Variants in RNF2 observed in about 807,000 individuals in gnomAD.
RNF2 encodes the protein E3 ubiquitin-protein ligase RING2.
A neutral mutation model predicts 37.2 loss-of-function variants in RNF2; 6 were observed. The ratio of observed to expected loss-of-function variants is 0.16; its 90% CI spans 0.09 to 0.32. RNF2 has a LOEUF of 0.32. Ranked by LOEUF, RNF2 falls within the 10% of genes least tolerant of loss-of-function variation. The pLI, the probability that RNF2 is intolerant of heterozygous loss-of-function variation, is 1.00. For synonymous variants in RNF2, 133 were observed against 132.7 expected (o/e 1.00, Z -0.02); for missense variants, 251 against 404.0 (o/e 0.62, Z 3.25).
intron 1 of RNF2, among the ~76,000 whole-genome samples, chr1:185,057,159 A>G (rs904279216): frequency 6.6e-6 from 1 of 152,056 alleles, no homozygotes; most frequent in Admixed American, 6.6e-5. Flanking sequence ...AAGAAAAATA[A>G]AATTAGCTGG....
intron 4 of RNF2, among the ~76,000 whole-genome samples, chr1:185,094,755 C>G (rs1029916762): frequency 7.9e-5 from 12 of 152,186 alleles, no homozygotes; most frequent in African/African-American, 2.9e-4. Flanking sequence ...GTTTTTAAGA[C>G]CCTATATAAG....
intron 1 of RNF2, among the ~76,000 whole-genome samples, chr1:185,050,192 G>A (rs1650234232): frequency 6.6e-6 from 1 of 152,192 alleles, no homozygotes; most frequent in Non-Finnish European, 1.5e-5. Flanking sequence ...CCTGTGCAAG[G>A]GATTAGGAAT....
At position 185,101,468 on chromosome 1, in the gene RNF2, T is replaced by C. The variant is rs1428080560; in HGVS notation, c.*1167T>C. On this transcript the variant is annotated 3_prime_UTR_variant, in exon 7 of 7. Coordinates refer to ENST00000367510, the MANE Select transcript of RNF2 (RefSeq NM_007212.4). ...ATTCTACTGTTCTTAATTTTTATATTGAGGAACAATATTGGGTGTTTGGGA... is the reference window on the plus strand; with the variant it reads ...ATTCTACTGTTCTTAATTTTTATATCGAGGAACAATATTGGGTGTTTGGGA... 1.3e-5 allele frequency: 2 copies of C among 152,520 alleles called. No homozygotes were observed. Among genetic ancestry groups the C allele is most frequent in the African/African-American group, 2.4e-5 (1 of 41,406 alleles). 9.4% of individuals were successfully genotyped at this position (152,520 alleles called of 1,614,324 possible).
intron 4 of RNF2, among the ~76,000 whole-genome samples, chr1:185,096,370 C>CA (rs1469561115): frequency 6.6e-6 from 1 of 152,130 alleles, no homozygotes; most frequent in Non-Finnish European, 1.5e-5. Context: ...GCTGAACACT[C>CA]ACAATGTTGT....
chr1:185,094,623 T>G (rs1355082871), intron 4 of RNF2, among the ~76,000 whole-genome samples: 1 of 152,202 alleles, frequency 6.6e-6, no homozygotes, highest in Non-Finnish European at 1.5e-5. Context: ...ACATAGTCTA[T>G]TCTCAGCACA....
At chr1:185,057,223 AT>A (rs770880570) in intron 1 of RNF2, among the ~76,000 whole-genome samples, 4 of 152,102 alleles carry the variant, frequency 2.6e-5, no homozygotes, top group Non-Finnish European at 5.9e-5. Context: ...ATGTGGGAGG[AT>A]TGCTTGAACC....
intron 1 of RNF2, among the ~76,000 whole-genome samples, chr1:185,082,645 G>A (rs183708429): frequency 9.2e-5 from 14 of 152,070 alleles, no homozygotes; most frequent in Admixed American, 2.6e-4. Flanking sequence ...GTGAGCCACC[G>A]CACCCAGCCT....
intron 1 of RNF2, among the ~76,000 whole-genome samples, chr1:185,086,149 C>G (rs1005527625): frequency 5.3e-5 from 8 of 152,108 alleles, no homozygotes; most frequent in South Asian, 4.1e-4. Context: ...GCCTCCTTAA[C>G]TCCTCAAATT....
At chr1:185,054,698 TTTTA>T (rs1297992291) in intron 1 of RNF2, among the ~76,000 whole-genome samples, 3 of 152,116 alleles carry the variant, frequency 2.0e-5, no homozygotes, top group African/African-American at 7.2e-5. Context: ...TTTTAAAATT[TTTTA>T]TTATTTTTTT....
At chr1:185,046,589 C>T (rs183701522) in intron 1 of RNF2, among the ~76,000 whole-genome samples, 74 of 152,202 alleles carry the variant, frequency 4.9e-4, no homozygotes, top group Admixed American at 9.8e-4. Context: ...TTTTTCGAGG[C>T]TGTCGGAAGT....
At chr1:185,048,925 CG>C (rs1435390412) in intron 1 of RNF2, among the ~76,000 whole-genome samples, 1 of 151,616 alleles carries the variant, frequency 6.6e-6, no homozygotes, top group Non-Finnish European at 1.5e-5. Flanking sequence ...GCATTTGGGG[CG>C]GGGATGGGGG....
At chr1:185,045,838 C>T (rs1571285846) in intron 1 of RNF2, among the ~76,000 whole-genome samples, 189 bp downstream of exon 1, 1 of 152,130 alleles carries the variant, frequency 6.6e-6, no homozygotes, top group Non-Finnish European at 1.5e-5. Flanking sequence ...GCGGGTGAAG[C>T]GGGTTCTCAT....
chr1:185,049,856 C>A (rs1650225827), intron 1 of RNF2, among the ~76,000 whole-genome samples: 1 of 152,118 alleles, frequency 6.6e-6, no homozygotes, highest in Admixed American at 6.6e-5. Context: ...GAGACTGGAA[C>A]CATTTGCTAA....
intron 1 of RNF2, among the ~76,000 whole-genome samples, chr1:185,078,405 A>C (rs1651239071): frequency 6.6e-6 from 1 of 152,056 alleles, no homozygotes; most frequent in African/African-American, 2.4e-5. Flanking sequence ...CCCTTTATTT[A>C]CTAGCCACAC....
chr1:185,064,565 C>T (rs1650743812), intron 1 of RNF2, among the ~76,000 whole-genome samples: 1 of 152,220 alleles, frequency 6.6e-6, no homozygotes. Context: ...GTTGAAAACA[C>T]TTTAAGCTTA....
At chr1:185,050,214 T>C (rs1650234802) in intron 1 of RNF2, among the ~76,000 whole-genome samples, 1 of 152,196 alleles carries the variant, frequency 6.6e-6, no homozygotes, top group Non-Finnish European at 1.5e-5. Flanking sequence ...GAAAAATGAA[T>C]CGAAAAAGGT....
At chr1:185,082,049 A>G (rs1002973837) in intron 1 of RNF2, among the ~76,000 whole-genome samples, 4 of 152,218 alleles carry the variant, frequency 2.6e-5, no homozygotes. Flanking sequence ...TTTCGTGGCA[A>G]GTTGCAATCC....
At chr1:185,054,533 G>T (rs1333847502) in intron 1 of RNF2, among the ~76,000 whole-genome samples, 3 of 151,974 alleles carry the variant, frequency 2.0e-5, no homozygotes, top group Non-Finnish European at 4.4e-5. Context: ...TCTCCATTAC[G>T]AGCGCTCTTC....
chr1:185,080,738 C>G (rs181498338), intron 1 of RNF2, among the ~76,000 whole-genome samples: 12 of 152,294 alleles, frequency 7.9e-5, no homozygotes, highest in African/African-American at 2.9e-4. Context: ...ACTTGTCAAT[C>G]ACTCCTAAGT....
Sources: allele counts gnomAD v4.1 joint callset (sites outside exome capture counted in the v4.1 genomes callset), GRCh38; gene constraint gnomAD v4.1.1; transcripts MANE v1.5; gene names NCBI Gene and HGNC (gene_info 2026-07-23, HGNC 2026-07-21).